The following KCNH3 variants were observed in gnomAD, a reference collection of about 807,000 sequenced individuals.
The protein encoded by KCNH3 is potassium voltage-gated channel subfamily H member 3.
Under a neutral mutation model 95.6 loss-of-function variants are expected in KCNH3, and 36 were observed. The ratio of observed to expected loss-of-function variants is 0.38; its 90% CI spans 0.29 to 0.50. The LOEUF is 0.50. KCNH3 is among the 20% of genes least tolerant of loss of function. KCNH3 has a pLI of 0.95. For synonymous variants in KCNH3, 620 were observed against 646.3 expected (o/e 0.96, Z 0.62); for missense variants, 1,030 against 1,484.1 (o/e 0.69, Z 5.03).
chr12:49,544,181 G>GGGGCCCTTTT lies in KCNH3; in HGVS notation c.994_995insTTTTGGGCCC (p.His332LeufsTer67). On this transcript the variant is annotated frameshift_variant, in exon 7 of 15. Coordinates refer to ENST00000257981, the MANE Select transcript of KCNH3 (RefSeq NM_012284.3). LOFTEE classifies it high-confidence loss of function. ...CTCCCTCCCCGCATCTCAGTACTTC[G>GGGGCCCTTTT]GGGCCCATCTGCTGAAGACGGTGCG... 6.6e-7 allele frequency: 1 copy of GGGGCCCTTTT among 1,512,834 alleles called. No homozygotes were observed. Among genetic ancestry groups the GGGGCCCTTTT allele is most frequent in the Non-Finnish European group, 8.9e-7 (1 of 1,124,252 alleles). The allele number at this position is 1,512,834 out of a possible 1,614,324, so 93.7% of individuals were successfully genotyped here. A position where few individuals can be genotyped will look rare whatever the true frequency, so the allele number is the denominator to read the frequency against.
At chr12:49,554,164 G>A (rs1245298482) in intron 10 of KCNH3, among the ~76,000 whole-genome samples, 173 bp from the exon 11 acceptor site, 2 of 152,372 alleles carry the variant, frequency 1.3e-5, no homozygotes, top group Non-Finnish European at 2.9e-5. Flanking sequence ...GAGACAGGCT[G>A]CAGGCGTCAG....
rs1029350818 is a variant in KCNH3 at position 49,558,054 on chromosome 12, G to A, written c.*101G>A. ...GTGGCAGCCTCCCCACGGACTCCAT[G>A]CGGCCCGCTGGCTCAGGGCAGGGAG... On this transcript the variant is annotated 3_prime_UTR_variant, in exon 15 of 15. Transcript: ENST00000257981. 7.6e-7 allele frequency: 1 copy of A among 1,323,940 alleles called. No individual in the cohort carries two copies. The highest frequency in any genetic ancestry group is 1.5e-5 in the African/African-American group (1 of 67,922). 82.0% of individuals were successfully genotyped at this position (1,323,940 alleles called of 1,614,324 possible). A position where few individuals can be genotyped will look rare whatever the true frequency, so the allele number is the denominator to read the frequency against.
rs751451131 is a variant in KCNH3, at chr12:49,550,348, G to A, written c.1918+19G>A. The A allele has an allele frequency of 6.3e-7, 1 of 1,587,474 alleles. No individual in the cohort carries two copies. The highest frequency in any genetic ancestry group is 8.6e-7 in the Non-Finnish European group (1 of 1,167,220). ...ATCCTAGGTTTGTGAGGGTGGGAGA[G>A]AGGGCGTGGGGGCACGTGTGTGTGA... On this transcript the variant is annotated intron_variant, in intron 10 of 14. Coordinates refer to ENST00000257981, the MANE Select transcript of KCNH3 (RefSeq NM_012284.3).
chr12:49,550,041 A>ACGGGC, intron 9 of KCNH3, 39 bp from the exon 10 acceptor site: 1 of 1,492,154 alleles, frequency 6.7e-7, no homozygotes, highest in Admixed American at 1.8e-5. Context: ...CTCTTCTGCC[A>ACGGGC]CTCCCAACCC....
chr12:49,539,474 A>G lies in KCNH3; in HGVS notation c.58A>G (p.Thr20Ala). The G allele has an allele frequency of 6.3e-7, 1 of 1,586,780 alleles. No individual in the cohort carries two copies. The highest frequency in any genetic ancestry group is 1.1e-5 in the South Asian group (1 of 87,868). Reference protein sequence around the residue: ...PQNTFLDTIATRFDGTHSNFV... With the variant: ...PQNTFLDTIAARFDGTHSNFV... Reference sequence around the variant, plus strand: ...GAACACCTTCCTGGACACCATCGCTACGCGCTTCGACGGCACGCGTGAGTC... The same window carrying G: ...GAACACCTTCCTGGACACCATCGCTGCGCGCTTCGACGGCACGCGTGAGTC... Residue 20 changes from threonine to alanine, a missense_variant, in exon 1 of 15, where the codon ACG becomes GCG. Physicochemically the swap from Thr to Ala is moderately conservative, Grantham distance 58. Transcript: ENST00000257981. This position sits in a 1 kb window ranked among gnomAD's most constrained non-coding sequence, Gnocchi z 6.7.
intron 14 of KCNH3, 27 bp downstream of exon 14, chr12:49,557,286 G>A: frequency 6.2e-7 from 1 of 1,613,742 alleles, no homozygotes; most frequent in Non-Finnish European, 8.5e-7. Context: ...GTGGAGGTGA[G>A]GGGGGCACCA....
intron 9 of KCNH3, 34 bp from the exon 10 acceptor site, chr12:49,550,046 C>CA (rs1207453485): frequency 4.8e-5 from 69 of 1,440,628 alleles, no homozygotes; most frequent in South Asian, 2.1e-4. Flanking sequence ...CTGCCACTCC[C>CA]AACCCCCCCA....
At position 49,542,837 on chromosome 12, in the gene KCNH3, A is replaced by G; in HGVS notation, c.577A>G (p.Lys193Glu). Residue 193 changes from lysine (K) to glutamate (E), a missense_variant and splice_region_variant, in exon 4 of 15, where the codon AAG becomes GAG. Transcript: ENST00000257981. Reference protein sequence around the residue: ...KQPKGKHKLNKGVFGEKPNLP... With the variant: ...KQPKGKHKLNEGVFGEKPNLP... ...GCCCAAGGGCAAGCACAAGCTCAATAAGGTGGGCTCAGCCCTGGGATGTGT... is the reference window on the plus strand; with the variant it reads ...GCCCAAGGGCAAGCACAAGCTCAATGAGGTGGGCTCAGCCCTGGGATGTGT... 6.2e-7 allele frequency: 1 copy of G among 1,607,346 alleles called. No individual in the cohort carries two copies. Among genetic ancestry groups the G allele is most frequent in the Non-Finnish European group, 8.5e-7 (1 of 1,177,900 alleles).
intron 7 of KCNH3, 135 bp downstream of exon 7, chr12:49,544,517 A>G: frequency 1.2e-6 from 1 of 866,340 alleles, no homozygotes; most frequent in Non-Finnish European, 1.8e-6. Context: ...GAGGGTGTGC[A>G]GGTGTGAGTG....
At position 49,543,394 on chromosome 12, in the gene KCNH3, C is replaced by T. The variant is rs754215372; in HGVS notation, c.699C>T (p.Leu233=). 8.7e-6 allele frequency: 14 copies of T among 1,611,838 alleles called. No homozygotes were observed. Among genetic ancestry groups the T allele is most frequent in the African/African-American group, 5.3e-5 (4 of 75,078 alleles). The part of the protein sequence containing the change: ...LRATWDGFIL[L]ATLYVAVTVP... ...CCACCTGGGATGGCTTCATCCTGCT[C>T]GCCACACTCTATGTGGCTGTCACTG... Residue 233 remains leucine (L), a synonymous_variant, in exon 5 of 15, where the codon CTC becomes CTT. Transcript: ENST00000257981.
intron 13 of KCNH3, 174 bp downstream of exon 13, chr12:49,556,650 C>T (rs1020222342): frequency 1.4e-6 from 1 of 703,974 alleles, no homozygotes; most frequent in Non-Finnish European, 2.6e-6. Context: ...GTGGTGAAGA[C>T]CAGCACTTTA....
chr12:49,554,203 C>T, intron 10 of KCNH3, 134 bp from the exon 11 acceptor site: 1 of 722,716 alleles, frequency 1.4e-6, no homozygotes, highest in Non-Finnish European at 2.4e-6. Context: ...TTGCTCCTCT[C>T]TCTGCTGGCT....
At chr12:49,553,869 T>A (rs1163502249) in intron 10 of KCNH3, among the ~76,000 whole-genome samples, 4 of 152,184 alleles carry the variant, frequency 2.6e-5, no homozygotes, top group Admixed American at 6.5e-5. Flanking sequence ...CAAACACTGA[T>A]TCCTGGACAA....
intron 10 of KCNH3, among the ~76,000 whole-genome samples, chr12:49,551,143 A>G (rs7975599): frequency 0.22 from 33,827 of 152,186 alleles, 6,059 homozygotes; most frequent in African/African-American, 0.5. Context: ...CTTCTTCCAC[A>G]GGGCTCCCAG....
chr12:49,540,402 G>C (rs965890499), intron 1 of KCNH3, among the ~76,000 whole-genome samples: 1 of 152,134 alleles, frequency 6.6e-6, no homozygotes, highest in Non-Finnish European at 1.5e-5. Flanking sequence ...CCTGAGCCAG[G>C]TCAGGCAGCT....
intron 6 of KCNH3, 31 bp from the exon 7 acceptor site, chr12:49,544,144 C>CAAACCA: frequency 6.7e-7 from 1 of 1,493,160 alleles, no homozygotes; most frequent in Non-Finnish European, 9.2e-7. Flanking sequence ...GCTGACCTCC[C>CAAACCA]TCCCTCCCTC....
At chr12:49,556,533 C>G (rs1196622667) in intron 13 of KCNH3, 57 bp downstream of exon 13, 12 of 1,236,776 alleles carry the variant, frequency 9.7e-6, no homozygotes, top group African/African-American at 1.5e-5. Flanking sequence ...CCTTGTGAAC[C>G]TCAAGCACTG....
At chr12:49,556,550 T>G in intron 13 of KCNH3, 74 bp downstream of exon 13, 2 of 1,049,200 alleles carry the variant, frequency 1.9e-6, no homozygotes, top group Non-Finnish European at 3.0e-6. Context: ...ACTGTTGACC[T>G]CTGAGCCTTC....
At position 49,556,355 on chromosome 12, in the gene KCNH3, TA is replaced by T. The variant is rs937922757; in HGVS notation, c.2469-14del. On this transcript the variant is annotated splice_polypyrimidine_tract_variant and intron_variant, in intron 12 of 14. Transcript: ENST00000257981. ...CCTGTCCATTGATTTGTTGTCCTGGTACCTGGGTTCACAGGGTAGTAGATGG... is the reference window on the plus strand; with the variant it reads ...CCTGTCCATTGATTTGTTGTCCTGGTCCTGGGTTCACAGGGTAGTAGATGG... The T allele has an allele frequency of 4.4e-6, 7 of 1,588,970 alleles. No individual in the cohort carries two copies. Among genetic ancestry groups the T allele is most frequent in the African/African-American group, 4.0e-5 (3 of 74,458 alleles).
Sources: allele counts gnomAD v4.1 joint callset (sites outside exome capture counted in the v4.1 genomes callset), GRCh38; gene constraint gnomAD v4.1.1; non-coding constraint Gnocchi (gnomAD v3.1); transcripts MANE v1.5; gene names NCBI Gene and HGNC (gene_info 2026-07-23, HGNC 2026-07-21).